The following CNBD1 variants were observed in gnomAD, a reference collection of about 807,000 sequenced individuals.
The protein encoded by CNBD1 is cyclic nucleotide binding domain containing 1, also known as cyclic nucleotide-binding domain-containing protein 1.
A neutral mutation model predicts 54.4 loss-of-function variants in CNBD1; 71 were observed. That is an observed-to-expected ratio of 1.30 (90% CI 1.08 to 1.59). The LOEUF is 1.59. Ranked by LOEUF, CNBD1 falls within the 40% of genes most tolerant of loss-of-function variation. The pLI is 0.00. For missense variants in CNBD1, 659 were observed against 518.0 expected (o/e 1.27, Z -2.64); for synonymous variants, 182 against 170.7 (o/e 1.07, Z -0.51).
At chr8:87,307,041 G>A (rs191038666) in intron 8 of CNBD1, among the ~76,000 whole-genome samples, 92 of 152,116 alleles carry the variant, frequency 6.0e-4, no homozygotes, top group African/African-American at 2.0e-3. Context: ...TAAAATAATC[G>A]TAAAAATTTG....
intron 4 of CNBD1, among the ~76,000 whole-genome samples, chr8:87,169,975 T>C (rs889371204): frequency 4.6e-5 from 7 of 152,126 alleles, no homozygotes; most frequent in African/African-American, 1.7e-4. Context: ...GGGAATGTAT[T>C]GAGTTTGTAG....
At chr8:87,060,915 T>G (rs1234221178) in intron 4 of CNBD1, among the ~76,000 whole-genome samples, 1 of 152,154 alleles carries the variant, frequency 6.6e-6, no homozygotes, top group Non-Finnish European at 1.5e-5. Context: ...AGGAAGAAGC[T>G]GGTCACCAAT....
chr8:87,168,151 T>C (rs1218775257), intron 4 of CNBD1, among the ~76,000 whole-genome samples: 2 of 152,064 alleles, frequency 1.3e-5, no homozygotes, highest in East Asian at 1.9e-4. Flanking sequence ...CACAGTTTTA[T>C]TTTTGCTTCA....
intron 4 of CNBD1, among the ~76,000 whole-genome samples, chr8:87,075,438 A>G (rs996205980): frequency 2.0e-5 from 3 of 152,196 alleles, no homozygotes; most frequent in African/African-American, 7.2e-5. Flanking sequence ...CTCTCACCAA[A>G]AAAAGTATAA....
At chr8:87,393,890 AT>A (rs548583303) in intron 2 of CNBD1, among the ~76,000 whole-genome samples, 3 of 151,852 alleles carry the variant, frequency 2.0e-5, no homozygotes, top group Non-Finnish European at 4.4e-5. Flanking sequence ...AAAAGATCGA[AT>A]TACACATTGG....
intron 4 of CNBD1, among the ~76,000 whole-genome samples, chr8:87,019,629 G>A (rs1291715133): frequency 1.3e-5 from 2 of 152,148 alleles, no homozygotes; most frequent in Non-Finnish European, 2.9e-5. Context: ...TGTCATCCCA[G>A]CACTTTGGGA....
intron 3 of CNBD1, among the ~76,000 whole-genome samples, chr8:86,927,215 CTG>C (rs1464469289): frequency 6.6e-6 from 1 of 152,072 alleles, no homozygotes; most frequent in African/African-American, 2.4e-5. Flanking sequence ...CTGAGTGGCT[CTG>C]TATTCTATTT....
At chr8:86,887,705 C>T (rs1808702097) in intron 2 of CNBD1, 94 bp downstream of exon 2, 1 of 842,244 alleles carries the variant, frequency 1.2e-6, no homozygotes, top group Admixed American at 2.8e-5. Context: ...ATTGCTGGCT[C>T]TCAGAGGTAC....
intron 4 of CNBD1, among the ~76,000 whole-genome samples, chr8:86,990,874 G>A (rs1230403267): frequency 6.6e-6 from 1 of 151,998 alleles, no homozygotes; most frequent in African/African-American, 2.4e-5. Context: ...TTTCAACAAT[G>A]TTTTATAGTT....
intron 4 of CNBD1, among the ~76,000 whole-genome samples, chr8:87,141,789 C>T (rs930138810): frequency 1.3e-5 from 2 of 151,990 alleles, no homozygotes; most frequent in Middle Eastern, 3.2e-3. Context: ...TTTCATCTAG[C>T]CTTTTGCCCA....
intron 8 of CNBD1, among the ~76,000 whole-genome samples, chr8:87,292,472 A>T (rs527671883): frequency 6.6e-6 from 1 of 152,194 alleles, no homozygotes; most frequent in Admixed American, 6.5e-5. Context: ...GCTTTCTACT[A>T]CATGGGGTGT....
chr8:87,135,166 T>A (rs1375169654), intron 4 of CNBD1, among the ~76,000 whole-genome samples: 1 of 152,190 alleles, frequency 6.6e-6, no homozygotes, highest in East Asian at 1.9e-4. Context: ...CACATGTGAA[T>A]GGAAGTTACA....
chr8:87,094,953 C>T (rs1378312417), intron 4 of CNBD1, among the ~76,000 whole-genome samples: 4 of 152,272 alleles, frequency 2.6e-5, no homozygotes, highest in South Asian at 2.1e-4. Flanking sequence ...GCAGGAGAAT[C>T]GCTTGAACCT....
At chr8:86,960,015 T>C (rs1403543704) in intron 4 of CNBD1, among the ~76,000 whole-genome samples, 1 of 152,140 alleles carries the variant, frequency 6.6e-6, no homozygotes, top group African/African-American at 2.4e-5. Flanking sequence ...TTGATGATGG[T>C]GACCTACCGA....
intron 4 of CNBD1, among the ~76,000 whole-genome samples, chr8:87,198,729 G>C (rs1047396967): frequency 3.3e-5 from 5 of 152,114 alleles, no homozygotes; most frequent in Admixed American, 1.3e-4. Context: ...ATAAATTAGT[G>C]GATATTTCTG....
rs143368946 is a variant in CNBD1, at chr8:87,074,769, G to A, written c.432-131224G>A. ...GTGGGTCAGCTTGTTTGCCTAATCA[G>A]TCCCAAGGTGAGAACCTGGATATTT... is the stretch of plus-strand genomic sequence containing the variant. On this transcript the variant is annotated intron_variant, in intron 4 of 10. Coordinates refer to ENST00000518476, the MANE Select transcript of CNBD1 (RefSeq NM_173538.3). 4.2e-3 allele frequency among the ~76,000 whole-genome samples: 638 copies of A among 152,222 alleles called. 3 individuals carry two copies. Among genetic ancestry groups the A allele is most frequent in the African/African-American group, 0.015 (608 of 41,524 alleles).
At chr8:86,868,592 A>G (rs1306627099) in intron 1 of CNBD1, among the ~76,000 whole-genome samples, 2 of 152,016 alleles carry the variant, frequency 1.3e-5, no homozygotes, top group East Asian at 1.9e-4. Context: ...CAGCCTCCCA[A>G]AGTGCTAGGA....
Position 86,935,238 on chromosome 8 carries a change from G to C in CNBD1, c.273-4358G>C, listed in dbSNP as rs975926890. Among the ~76,000 whole-genome samples the C allele has an allele frequency of 2.6e-5, 4 of 151,808 alleles. No homozygotes were observed. In the East Asian group the frequency reaches 7.8e-4, roughly 29 times the overall value. ...TTTTTAGTAGAGACAGGGTTTCACT[G>C]TGTTAGCTAGGATGGTCTCGATCTC... On this transcript the variant is annotated intron_variant, in intron 3 of 10. Coordinates refer to ENST00000518476, the MANE Select transcript of CNBD1 (RefSeq NM_173538.3).
At chr8:87,311,237 T>A (rs1442445670) in intron 8 of CNBD1, among the ~76,000 whole-genome samples, 1 of 151,528 alleles carries the variant, frequency 6.6e-6, no homozygotes, top group African/African-American at 2.4e-5. Flanking sequence ...TATAAGAAAC[T>A]TAAACAATTC....
Sources: gnomAD v4.1 joint callset for allele counts (sites outside exome capture counted in the v4.1 genomes callset) on GRCh38, gnomAD v4.1.1 for gene constraint, MANE v1.5 for transcripts, NCBI Gene and HGNC (gene_info 2026-07-23, HGNC 2026-07-21) for gene names.